The following SLC19A1 variants were observed in gnomAD, a reference collection of about 807,000 sequenced individuals.
SLC19A1 encodes the protein solute carrier family 19 member 1, also known as reduced folate transporter.
In SLC19A1, 37 loss-of-function variants were observed where a neutral mutation model predicts 35.3. The observed-to-expected ratio is 1.05, with a 90% confidence interval of 0.81 to 1.38. The LOEUF is 1.38. Among genes scored for constraint, SLC19A1 ranks in the 40% most tolerant of loss-of-function variants. The pLI, the probability that SLC19A1 is intolerant of heterozygous loss-of-function variation, is 0.00. For missense variants in SLC19A1, 831 were observed against 826.9 expected (o/e 1.00, Z -0.06); for synonymous variants, 460 against 398.5 (o/e 1.15, Z -1.84).
In SLC19A1 at chr21:45,531,988, G is replaced by A. The variant is rs747734314; in HGVS notation, c.350C>T (p.Ala117Val). The change falls in exon 3 of 6, where the codon GCG (alanine) becomes GTG (valine). Residue 117 changes from alanine to valine, a missense_variant. Transcript: ENST00000311124. ...GAAGAGCTCCATGAGCTGCATGTGC[G>A]CCACCGAGTGGCCCAGCAGCAGCAG... ...WLLLLLGHSV[A>V]HMQLMELFYS... 2 of 1,609,854 alleles carry A rather than the reference G, an allele frequency of 1.2e-6. No individual in the cohort carries two copies. Among genetic ancestry groups the A allele is most frequent in the Non-Finnish European group, 1.7e-6 (2 of 1,179,506 alleles).
chr21:45,520,783 G>A (rs2077413896), intron 5 of SLC19A1, among the ~76,000 whole-genome samples: 1 of 152,192 alleles, frequency 6.6e-6, no homozygotes, highest in South Asian at 2.1e-4. Flanking sequence ...CACTTTGGGA[G>A]GCTGAGGCGG....
At chr21:45,526,150 C>T (rs558273944) in intron 4 of SLC19A1, among the ~76,000 whole-genome samples, 192 bp from the exon 5 acceptor site, 62 of 152,284 alleles carry the variant, frequency 4.1e-4, no homozygotes, top group African/African-American at 1.4e-3. Context: ...GGAGCCAGCA[C>T]CCAGGCCACC....
chr21:45,543,271 G>GT (rs2078366698), upstream of SLC19A1, among the ~76,000 whole-genome samples: 1 of 152,084 alleles, frequency 6.6e-6, no homozygotes, highest in Admixed American at 6.6e-5. Flanking sequence ...ACGGGGAGAA[G>GT]TGGGGGGCCT....
intron 5 of SLC19A1, among the ~76,000 whole-genome samples, chr21:45,525,011 G>A (rs181957402): frequency 5.3e-5 from 8 of 152,340 alleles, no homozygotes; most frequent in African/African-American, 1.7e-4. Context: ...AATGCATTTC[G>A]ATGAGTGAGC....
At chr21:45,542,171 G>A (rs536189929) in intron 1 of SLC19A1, among the ~76,000 whole-genome samples, 197 bp downstream of exon 1, 1,774 of 74,856 alleles carry the variant, frequency 0.024, 205 homozygotes, top group African/African-American at 0.068. Context: ...AGGGCCCCGC[G>A]GACCCCAGGC....
downstream of SLC19A1, chr21:45,507,666 A>T: frequency 7.1e-7 from 1 of 1,412,338 alleles, no homozygotes; most frequent in Non-Finnish European, 9.9e-7. Flanking sequence ...CCCCTGTTTG[A>T]GGAACAACAC....
intron 1 of SLC19A1, among the ~76,000 whole-genome samples, chr21:45,538,632 G>T (rs2078210675): frequency 6.6e-6 from 1 of 152,208 alleles, no homozygotes; most frequent in South Asian, 2.1e-4. Flanking sequence ...AGGGCAGAGG[G>T]AAAAGCAGGT....
intron 3 of SLC19A1, among the ~76,000 whole-genome samples, chr21:45,505,628 G>A (rs2037153871): frequency 6.6e-6 from 1 of 152,190 alleles, no homozygotes; most frequent in Admixed American, 6.5e-5. Flanking sequence ...CAGCCGGGAA[G>A]TGCCCAGGGC....
At chr21:45,550,574 G>A (rs1308511678) in intron 1 of SLC19A1, among the ~76,000 whole-genome samples, 1 of 152,214 alleles carries the variant, frequency 6.6e-6, no homozygotes, top group Non-Finnish European at 1.5e-5. Flanking sequence ...CCCAGCCAAG[G>A]GGAGACCACA....
chr21:45,556,307 T>C (rs1165130385), intron 1 of SLC19A1, among the ~76,000 whole-genome samples: 2 of 151,992 alleles, frequency 1.3e-5, no homozygotes, highest in Non-Finnish European at 1.5e-5. Context: ...GACCCAAGAC[T>C]GCAAGCTCAA....
At chr21:45,557,008 G>T (rs137895027) in intron 1 of SLC19A1, among the ~76,000 whole-genome samples, 1 of 152,184 alleles carries the variant, frequency 6.6e-6, no homozygotes, top group Admixed American at 6.5e-5. Flanking sequence ...TGGCTACTCC[G>T]AGAGGCCTCT....
rs553112519 is a variant in SLC19A1, at chr21:45,554,568, G to A, written c.-50+8174C>T. ...CCTCTGAGTGGAACCACGCACAGGGGGCGTCCTCTTGTGCCTGGCCAGGGG... is the reference window on the plus strand; with the variant it reads ...CCTCTGAGTGGAACCACGCACAGGGAGCGTCCTCTTGTGCCTGGCCAGGGG... On this transcript the variant is annotated intron_variant, in intron 1 of 5. Transcript: ENST00000650808. Among the ~76,000 whole-genome samples the A allele has an allele frequency of 2.3e-4, 31 of 132,086 alleles. 1 individual carries two copies. The East Asian group carries it at 7.1e-3, about 30-fold the overall frequency. 86.7% of individuals were successfully genotyped at this position (132,086 alleles called of 152,430 possible). A position where few individuals can be genotyped will look rare whatever the true frequency, so the allele number is the denominator to read the frequency against.
chr21:45,534,390 G>T lies in SLC19A1; in HGVS notation c.190-2242C>A. 2 of 645,566 alleles carry T rather than the reference G, an allele frequency of 3.1e-6. No homozygotes were observed. Among genetic ancestry groups the T allele is most frequent in the Non-Finnish European group, 5.3e-6 (2 of 376,468 alleles). 40.0% of individuals were successfully genotyped at this position (645,566 alleles called of 1,614,324 possible). A position where few individuals can be genotyped will look rare whatever the true frequency, so the allele number is the denominator to read the frequency against. On this transcript the variant is annotated intron_variant, in intron 2 of 5. Coordinates refer to ENST00000311124, the MANE Select transcript of SLC19A1 (RefSeq NM_194255.4). This position sits in a 1 kb window ranked among gnomAD's most constrained non-coding sequence, Gnocchi z 4.2. ...GACCCCCAGACACAGGAGGCTGCGT[G>T]GGGGCATGACAGCCCCAGCCCCTGG...
intron 3 of SLC19A1, chr21:45,505,710 G>C: frequency 1.3e-6 from 1 of 788,480 alleles, no homozygotes; most frequent in South Asian, 1.5e-5. Flanking sequence ...GGGGGCAGCC[G>C]CCTCAGTCCA....
chr21:45,535,395 G>A (rs1160787905), intron 2 of SLC19A1, among the ~76,000 whole-genome samples: 1 of 152,222 alleles, frequency 6.6e-6, no homozygotes, highest in Non-Finnish European at 1.5e-5. Context: ...CAATCCCAAG[G>A]GCACGGGGTC....
At chr21:45,542,640 C>G (rs1023622053), upstream of SLC19A1, among the ~76,000 whole-genome samples, 7 of 151,498 alleles carry the variant, frequency 4.6e-5, no homozygotes, top group Admixed American at 1.3e-4. Flanking sequence ...CACGCGGCCC[C>G]TCGTGCTGCG....
chr21:45,505,789 C>T (rs756086672), intron 3 of SLC19A1: 16 of 1,337,150 alleles, frequency 1.2e-5, no homozygotes, highest in East Asian at 2.4e-5. Flanking sequence ...CCGCCCCTGC[C>T]CCCCGCCCTC....
chr21:45,524,808 T>G, intron 5 of SLC19A1, among the ~76,000 whole-genome samples: 1 of 141,714 alleles, frequency 7.1e-6, no homozygotes, highest in Non-Finnish European at 1.5e-5. Context: ...CCTTGGAGGC[T>G]CACCTGCCCT....
intron 5 of SLC19A1, among the ~76,000 whole-genome samples, chr21:45,523,842 C>T (rs936659454): frequency 1.3e-5 from 2 of 152,178 alleles, no homozygotes; most frequent in African/African-American, 4.8e-5. Flanking sequence ...AGAGGTAACT[C>T]GGGGCTCCAA....
Sources: allele counts gnomAD v4.1 joint callset (sites outside exome capture counted in the v4.1 genomes callset), GRCh38; gene constraint gnomAD v4.1.1; non-coding constraint Gnocchi (gnomAD v3.1); transcripts MANE v1.5; gene names NCBI Gene and HGNC (gene_info 2026-07-23, HGNC 2026-07-21).